The following TMEM212 variants were observed in gnomAD, a reference collection of about 807,000 sequenced individuals.
TMEM212 encodes the protein transmembrane protein 212.
A neutral mutation model predicts 20.5 loss-of-function variants in TMEM212; 23 were observed. The observed-to-expected ratio is 1.12, with a 90% confidence interval of 0.81 to 1.59. TMEM212 has a LOEUF of 1.59. Among genes scored for constraint, TMEM212 ranks in the 40% most tolerant of loss-of-function variants. The pLI is 0.00. For missense variants in TMEM212, 211 were observed against 215.0 expected (o/e 0.98, Z 0.12); for synonymous variants, 76 against 81.6 (o/e 0.93, Z 0.37).
intron 2 of TMEM212, 133 bp from the exon 3 acceptor site, chr3:171,853,394 G>A (rs973407455): frequency 2.4e-5 from 17 of 715,920 alleles, no homozygotes; most frequent in South Asian, 4.0e-5. Flanking sequence ...AGAGAGAGTC[G>A]TGATTGATTT....
At chr3:171,846,762 GT>G (rs1023447155) in intron 1 of TMEM212, among the ~76,000 whole-genome samples, 2 of 152,122 alleles carry the variant, frequency 1.3e-5, no homozygotes, top group Non-Finnish European at 2.9e-5. Flanking sequence ...CGAACGTTAT[GT>G]TTTTTTACTA....
intron 2 of TMEM212, among the ~76,000 whole-genome samples, chr3:171,853,116 TG>T (rs1725023246): frequency 6.6e-6 from 1 of 152,216 alleles, no homozygotes; most frequent in African/African-American, 2.4e-5. Flanking sequence ...ATTTAAATTT[TG>T]CCCCAGTTGG....
rs1174313865 is a variant in TMEM212, at chr3:171,858,768, G to A, written c.*711G>A. On this transcript the variant is annotated 3_prime_UTR_variant, in exon 5 of 5. Transcript: ENST00000334567. ...ACATCAAAAAGTAGGCAAAGGACAT[G>A]GACACTTCTCAAAAGAAGACATTTA... is the stretch of plus-strand genomic sequence containing the variant. The A allele has an allele frequency of 1.3e-5, 2 of 151,994 alleles. No homozygotes were observed. The highest frequency in any genetic ancestry group is 2.1e-4 in the South Asian group (1 of 4,820). The allele number at this position is 151,994 out of a possible 1,614,324, so 9.4% of individuals were successfully genotyped here.
chr3:171,854,175 G>A (rs1321941107), intron 3 of TMEM212, among the ~76,000 whole-genome samples: 1 of 152,010 alleles, frequency 6.6e-6, no homozygotes, highest in Non-Finnish European at 1.5e-5. Context: ...GGAAGTTCTA[G>A]CCAGAGCAAT....
At chr3:171,851,717 G>C (rs1724980633) in intron 1 of TMEM212, among the ~76,000 whole-genome samples, 1 of 152,222 alleles carries the variant, frequency 6.6e-6, no homozygotes, top group Non-Finnish European at 1.5e-5. Context: ...TACAGTAGTG[G>C]AGGCGATGAT....
Position 171,859,249 on chromosome 3 carries a change from T to A in TMEM212, c.*1192T>A, listed in dbSNP as rs966617853. On this transcript the variant is annotated 3_prime_UTR_variant, in exon 5 of 5. Transcript: ENST00000334567. Reference sequence around the variant, plus strand: ...AACCAACATGGCACATATATACCTATGCAACAAACCTGCATGTTGTGCACA... The same window carrying A: ...AACCAACATGGCACATATATACCTAAGCAACAAACCTGCATGTTGTGCACA... 6.6e-6 allele frequency: 1 copy of A among 151,992 alleles called. No homozygotes were observed. Among genetic ancestry groups the A allele is most frequent in the Non-Finnish European group, 1.5e-5 (1 of 68,014 alleles). The allele number at this position is 151,992 out of a possible 1,614,324, so 9.4% of individuals were successfully genotyped here.
chr3:171,845,643 G>A (rs1473581999), intron 1 of TMEM212, among the ~76,000 whole-genome samples: 1 of 152,134 alleles, frequency 6.6e-6, no homozygotes, highest in South Asian at 2.1e-4. Flanking sequence ...ATAGTTAATT[G>A]GTAACTGTTT....
At chr3:171,849,600 G>GCACAT (rs1724924844) in intron 1 of TMEM212, among the ~76,000 whole-genome samples, 1 of 152,012 alleles carries the variant, frequency 6.6e-6, no homozygotes, top group East Asian at 1.9e-4. Context: ...TATCAGCACA[G>GCACAT]TACCTAGCAC....
intron 3 of TMEM212, among the ~76,000 whole-genome samples, chr3:171,856,439 C>A (rs892889550): frequency 2.0e-5 from 3 of 152,124 alleles, no homozygotes; most frequent in African/African-American, 7.2e-5. Flanking sequence ...TATAAAATAC[C>A]AAATGAACCA....
rs1289372549 is a variant in TMEM212, at chr3:171,853,726, A to G, written c.419A>G (p.His140Arg). Residue 140 changes from histidine to arginine, a missense_variant, in exon 3 of 5, where the codon CAC becomes CGC. Transcript: ENST00000334567. ...KFPLACVDPP[H>R]YEEYHLTLQA... ...CCATTAGCCTGTGTGGACCCACCACACTACGAAGAGTACCACCTGACACTT... is the reference window on the plus strand; with the variant it reads ...CCATTAGCCTGTGTGGACCCACCACGCTACGAAGAGTACCACCTGACACTT... 10 of 1,537,376 alleles carry G rather than the reference A, an allele frequency of 6.5e-6. No homozygotes were observed. The highest frequency in any genetic ancestry group is 1.4e-5 in the African/African-American group (1 of 73,010).
chr3:171,856,289 A>C (rs1725115420), intron 3 of TMEM212, among the ~76,000 whole-genome samples: 1 of 152,206 alleles, frequency 6.6e-6, no homozygotes, highest in African/African-American at 2.4e-5. Context: ...CAAGACTCAC[A>C]GCTCACTACT....
Position 171,847,788 on chromosome 3 carries a change from T to A in TMEM212, c.160-4194T>A, listed in dbSNP as rs373652053. On this transcript the variant is annotated intron_variant, in intron 1 of 4. Coordinates refer to ENST00000334567, the MANE Select transcript of TMEM212 (RefSeq NM_001164436.2). ...GGGTGATCAGACATCACGGTGGGGA[T>A]GGGGGAGGAGGAGAAATCTGACTAG... Among the ~76,000 whole-genome samples the A allele has an allele frequency of 1.8e-4, 27 of 151,858 alleles. 1 individual carries two copies. The highest frequency in any genetic ancestry group is 6.5e-4 in the African/African-American group (27 of 41,406).
chr3:171,857,966 C>T (rs1394592652), intron 4 of TMEM212, 95 bp from the exon 5 acceptor site: 4 of 151,926 alleles, frequency 2.6e-5, no homozygotes, highest in Admixed American at 1.3e-4. Context: ...TTGGCATAGC[C>T]ATTATTGAAA....
intron 3 of TMEM212, among the ~76,000 whole-genome samples, chr3:171,854,705 A>G (rs191217565): frequency 6.6e-6 from 1 of 152,346 alleles, no homozygotes; most frequent in East Asian, 1.9e-4. Context: ...TTGAGAAAGA[A>G]CAAAGCTGGA....
At chr3:171,853,909 G>A in intron 3 of TMEM212, 59 bp downstream of exon 3, 1 of 1,307,690 alleles carries the variant, frequency 7.6e-7, no homozygotes, top group Non-Finnish European at 1.0e-6. Context: ...AAAATGGAAA[G>A]TCTGGTATGT....
intron 1 of TMEM212, among the ~76,000 whole-genome samples, chr3:171,846,913 A>T (rs987779608): frequency 6.6e-6 from 1 of 152,172 alleles, no homozygotes; most frequent in African/African-American, 2.4e-5. Context: ...AGATTTGTAC[A>T]TTTCAACCAT....
chr3:171,849,264 G>C (rs74670235), intron 1 of TMEM212, among the ~76,000 whole-genome samples: 14 of 152,018 alleles, frequency 9.2e-5, no homozygotes, highest in African/African-American at 2.9e-4. Context: ...CTTTATCATC[G>C]ATGTTTCCCC....
In TMEM212 at chr3:171,853,650, A is replaced by T. The variant is rs1376747095; in HGVS notation, c.343A>T (p.Thr115Ser). 12 of 1,537,448 alleles carry T rather than the reference A, an allele frequency of 7.8e-6. No homozygotes were observed. The East Asian group carries it at 2.9e-4, about 38-fold the overall frequency. Reference sequence around the variant, plus strand: ...CTATTCATTTTCAGGGATTGCAGGGACTAATTACCTTGGCTATGCAGTTAC... The same window carrying T: ...CTATTCATTTTCAGGGATTGCAGGGTCTAATTACCTTGGCTATGCAGTTAC... The part of the protein sequence containing the change: ...CFYSFSGIAG[T>S]NYLGYAVTFP... The change falls in exon 3 of 5, where the codon ACT becomes TCT. Residue 115 changes from threonine (T) to serine (S), a missense_variant. By Grantham distance (58) the Thr-to-Ser change is moderately conservative. Transcript: ENST00000334567.
chr3:171,852,163 C>T, intron 2 of TMEM212, 122 bp downstream of exon 2: 1 of 757,064 alleles, frequency 1.3e-6, no homozygotes, highest in Non-Finnish European at 2.1e-6. Flanking sequence ...CTAATTGATG[C>T]CTTACTACAA....
Sources: gnomAD v4.1 joint callset for allele counts (sites outside exome capture counted in the v4.1 genomes callset) on GRCh38, gnomAD v4.1.1 for gene constraint, MANE v1.5 for transcripts, NCBI Gene and HGNC (gene_info 2026-07-23, HGNC 2026-07-21) for gene names.